The following INSYN2B variants were observed in gnomAD, a reference collection of about 807,000 sequenced individuals.
INSYN2B encodes inhibitory synaptic factor family member 2B, also known as protein INSYN2B.
In INSYN2B, 16 loss-of-function variants were observed where a neutral mutation model predicts 41.2. The observed-to-expected ratio is 0.39, with a 90% CI of 0.26 to 0.59. The LOEUF is 0.59. Among genes scored for constraint, INSYN2B ranks in the 20% least tolerant of loss-of-function variants. The probability of loss-of-function intolerance (pLI) is 0.57; values close to 1 mark genes in which losing one functional copy is unlikely to be tolerated. For missense variants in INSYN2B, 608 were observed against 646.4 expected (o/e 0.94, Z 0.64); for synonymous variants, 245 against 244.4 (o/e 1.00, Z -0.02).
rs557050724 is a variant in INSYN2B at position 169,914,497 on chromosome 5, C to T, written c.-918-29681G>A. The stretch of plus-strand genomic sequence containing the variant: ...TGGAGGGATTGATTATTGGAGAACT[C>T]TGAACTTGGATTCAAAAGACCAAGG... On this transcript the variant is annotated intron_variant, in intron 1 of 3. Coordinates refer to ENST00000377365, the MANE Select transcript of INSYN2B (RefSeq NM_001129891.3). Among the ~76,000 whole-genome samples, 21 of 152,298 alleles carry T rather than the reference C, an allele frequency of 1.4e-4. No homozygotes were observed. The South Asian group carries it at 3.9e-3, about 29-fold the overall frequency.
intron 3 of INSYN2B, 79 bp downstream of exon 3, chr5:169,881,289 A>C: frequency 8.3e-7 from 1 of 1,210,400 alleles, no homozygotes; most frequent in Non-Finnish European, 1.2e-6. Flanking sequence ...GACTTTTTGC[A>C]TTTAAAAGTT....
chr5:169,925,481 G>A (rs1215796709), intron 1 of INSYN2B, among the ~76,000 whole-genome samples: 1 of 150,072 alleles, frequency 6.7e-6, no homozygotes, highest in Non-Finnish European at 1.5e-5. Context: ...TTGGGAGGCT[G>A]AGGCAGAAGA....
intron 3 of INSYN2B, among the ~76,000 whole-genome samples, chr5:169,879,246 G>A (rs1393261591): frequency 2.0e-5 from 3 of 152,162 alleles, no homozygotes; most frequent in Admixed American, 6.5e-5. Flanking sequence ...ATCCATCATC[G>A]GGGAGAGAGA....
At chr5:169,902,792 G>T (rs1441516716) in intron 1 of INSYN2B, among the ~76,000 whole-genome samples, 23 of 152,186 alleles carry the variant, frequency 1.5e-4, no homozygotes, top group Admixed American at 1.5e-3. Flanking sequence ...ACAGAGTAGT[G>T]AGGGAGACAT....
chr5:169,930,375 C>T (rs1259656787), intron 1 of INSYN2B, among the ~76,000 whole-genome samples: 1 of 152,212 alleles, frequency 6.6e-6, no homozygotes, highest in Non-Finnish European at 1.5e-5. Flanking sequence ...CTTATGCACT[C>T]ACGACTGGGG....
chr5:169,913,538 A>C (rs1774718161), intron 1 of INSYN2B, among the ~76,000 whole-genome samples: 2 of 152,222 alleles, frequency 1.3e-5, no homozygotes, highest in Non-Finnish European at 2.9e-5. Flanking sequence ...ATTACTCAAA[A>C]GGAGCTCTAG....
intron 3 of INSYN2B, among the ~76,000 whole-genome samples, chr5:169,879,939 C>A (rs1255874705): frequency 6.6e-6 from 1 of 152,130 alleles, no homozygotes; most frequent in African/African-American, 2.4e-5. Flanking sequence ...GAGAGACTAT[C>A]CAAAATTTAA....
chr5:169,876,097 C>T (rs942152080), intron 3 of INSYN2B, among the ~76,000 whole-genome samples: 1 of 152,152 alleles, frequency 6.6e-6, no homozygotes, highest in African/African-American at 2.4e-5. Flanking sequence ...GGCTTGTGAC[C>T]ACGGCACTCT....
rs566677904 is a variant in INSYN2B at position 169,868,743 on chromosome 5, T to C, written c.1422-4284A>G. Among the ~76,000 whole-genome samples the C allele has an allele frequency of 4.6e-4, 70 of 152,174 alleles. 1 individual carries two copies. The highest frequency in any genetic ancestry group is 1.7e-3 in the African/African-American group (69 of 41,514). On this transcript the variant is annotated intron_variant, in intron 3 of 3. Transcript: ENST00000377365. ...ACTGCACTCCAGCCCAGGTGAGAGA[T>C]TGAGTTGTCCCCATCTCAAAAAGAA...
At chr5:169,878,411 G>A (rs983590331) in intron 3 of INSYN2B, among the ~76,000 whole-genome samples, 1 of 152,150 alleles carries the variant, frequency 6.6e-6, no homozygotes, top group African/African-American at 2.4e-5. Context: ...ATGCAGACCT[G>A]CATCAATTAC....
chr5:169,883,941 G>A lies in INSYN2B; in HGVS notation c.-43C>T. Reference sequence around the variant, plus strand: ...GATCAGGACCATACACTTCTCCTAGGCACATCTCCCCTTAGGTCTTTGGAG... The same window carrying A: ...GATCAGGACCATACACTTCTCCTAGACACATCTCCCCTTAGGTCTTTGGAG... On this transcript the variant is annotated 5_prime_UTR_variant, in exon 2 of 4. Transcript: ENST00000377365. 1 of 1,442,802 alleles carries A rather than the reference G, an allele frequency of 6.9e-7. No homozygotes were observed. The highest frequency in any genetic ancestry group is 1.9e-4 in the Middle Eastern group (1 of 5,362). 89.4% of individuals were successfully genotyped at this position (1,442,802 alleles called of 1,614,324 possible). A position where few individuals can be genotyped will look rare whatever the true frequency, so the allele number is the denominator to read the frequency against.
chr5:169,929,587 A>T (rs538662516), intron 1 of INSYN2B, among the ~76,000 whole-genome samples: 1 of 151,940 alleles, frequency 6.6e-6, no homozygotes, highest in Admixed American at 6.6e-5. Context: ...CAACAACAAC[A>T]ACAAAATTAG....
At chr5:169,942,216 G>T (rs1776271092) in intron 1 of INSYN2B, among the ~76,000 whole-genome samples, 4 of 152,288 alleles carry the variant, frequency 2.6e-5, no homozygotes, top group Middle Eastern at 3.4e-3. Context: ...GGAGAAGGGA[G>T]TTTAAAAATC....
At chr5:169,970,385 G>T (rs1199025079) in intron 1 of INSYN2B, among the ~76,000 whole-genome samples, 1 of 152,230 alleles carries the variant, frequency 6.6e-6, no homozygotes, top group African/African-American at 2.4e-5. Flanking sequence ...TTTATCCTGG[G>T]CATCTGGACA....
intron 1 of INSYN2B, among the ~76,000 whole-genome samples, chr5:169,952,847 T>G (rs1194814488): frequency 6.6e-6 from 1 of 152,066 alleles, no homozygotes; most frequent in African/African-American, 2.4e-5. Flanking sequence ...AATGGAAAGA[T>G]GGACAGATAC....
intron 1 of INSYN2B, among the ~76,000 whole-genome samples, chr5:169,961,039 A>G (rs1777066088): frequency 6.6e-6 from 1 of 152,236 alleles, no homozygotes; most frequent in African/African-American, 2.4e-5. Context: ...GACTGTAACT[A>G]TCATGGTAAA....
At chr5:169,952,680 C>T (rs1215386719) in intron 1 of INSYN2B, among the ~76,000 whole-genome samples, 1 of 152,150 alleles carries the variant, frequency 6.6e-6, no homozygotes, top group Non-Finnish European at 1.5e-5. Context: ...TTTTCCTAAT[C>T]CCGTGGATAT....
At chr5:169,927,853 T>TGAG (rs1775549505) in intron 1 of INSYN2B, among the ~76,000 whole-genome samples, 1 of 152,146 alleles carries the variant, frequency 6.6e-6, no homozygotes, top group Non-Finnish European at 1.5e-5. Context: ...CCTGACCTCA[T>TGAG]GATCCACCCG....
At chr5:169,910,577 T>C (rs1247804900) in intron 1 of INSYN2B, among the ~76,000 whole-genome samples, 1 of 152,094 alleles carries the variant, frequency 6.6e-6, no homozygotes, top group Non-Finnish European at 1.5e-5. Context: ...TCCTCCGAGG[T>C]TCACTGCACT....
Sources: gnomAD v4.1 joint callset for allele counts (sites outside exome capture counted in the v4.1 genomes callset) on GRCh38, gnomAD v4.1.1 for gene constraint, MANE v1.5 for transcripts, NCBI Gene and HGNC (gene_info 2026-07-23, HGNC 2026-07-21) for gene names.